The following KCNH7 variants were observed in gnomAD, a reference collection of about 807,000 sequenced individuals.
KCNH7 encodes potassium voltage-gated channel subfamily H member 7, also known as voltage-gated inwardly rectifying potassium channel KCNH7.
Under a neutral mutation model 120.8 loss-of-function variants are expected in KCNH7, and 49 were observed. The observed-to-expected ratio is 0.41, with a 90% CI of 0.32 to 0.51. The LOEUF is 0.51. Among genes scored for constraint, KCNH7 ranks in the 20% least tolerant of loss-of-function variants. KCNH7 has a pLI of 0.38. For missense variants in KCNH7, 1,097 were observed against 1,446.6 expected (o/e 0.76, Z 3.92); for synonymous variants, 547 against 516.1 (o/e 1.06, Z -0.81).
Position 162,711,176 on chromosome 2 carries a change from G to A in KCNH7, c.307+125361C>T, listed in dbSNP as rs188845196. On this transcript the variant is annotated intron_variant, in intron 2 of 15. Coordinates refer to ENST00000332142, the MANE Select transcript of KCNH7 (RefSeq NM_033272.4). Reference sequence around the variant, plus strand: ...AAGGGGAAATGTAGATTACATAATAGTCTTGCCCCTGTTTTATTCAGTGCA... The same window carrying A: ...AAGGGGAAATGTAGATTACATAATAATCTTGCCCCTGTTTTATTCAGTGCA... 3.3e-4 allele frequency among the ~76,000 whole-genome samples: 50 copies of A among 152,356 alleles called. 1 individual carries two copies. Among genetic ancestry groups the A allele is most frequent in the Admixed American group, 2.3e-3 (35 of 15,298 alleles).
At chr2:162,626,533 G>C (rs1215638232) in intron 2 of KCNH7, among the ~76,000 whole-genome samples, 2 of 152,134 alleles carry the variant, frequency 1.3e-5, no homozygotes, top group Non-Finnish European at 2.9e-5. Context: ...AAAAATAAAT[G>C]ACTGCCATGT....
chr2:162,772,635 A>G (rs945879353), intron 2 of KCNH7, among the ~76,000 whole-genome samples: 1 of 152,224 alleles, frequency 6.6e-6, no homozygotes, highest in African/African-American at 2.4e-5. Context: ...ACATCAATCT[A>G]TTTTAAACTT....
intron 2 of KCNH7, among the ~76,000 whole-genome samples, chr2:162,663,880 C>A (rs1045424495): frequency 6.6e-6 from 1 of 151,986 alleles, no homozygotes; most frequent in African/African-American, 2.4e-5. Context: ...TAATAGCTTC[C>A]CAGGAATTTG....
intron 6 of KCNH7, among the ~76,000 whole-genome samples, chr2:162,466,972 T>C (rs1193194548): frequency 6.6e-6 from 1 of 152,196 alleles, no homozygotes; most frequent in Non-Finnish European, 1.5e-5. Context: ...CTTGAGGGAA[T>C]GAGTGGATTG....
At position 162,590,399 on chromosome 2, in the gene KCNH7, C is replaced by A. The variant is rs370972907; in HGVS notation, c.308-53319G>T. On this transcript the variant is annotated intron_variant, in intron 2 of 15. Coordinates refer to ENST00000332142, the MANE Select transcript of KCNH7 (RefSeq NM_033272.4). ...TAAAAACTGCAATTGGAGACAAAAA[C>A]AGAAAGGGTCATTGAGATTCACATT... Among the ~76,000 whole-genome samples, 28 of 152,142 alleles carry A rather than the reference C, an allele frequency of 1.8e-4. 1 individual carries two copies. The East Asian group carries it at 5.1e-3, about 28-fold the overall frequency.
At chr2:162,713,155 G>C (rs980140866) in intron 2 of KCNH7, among the ~76,000 whole-genome samples, 1 of 152,056 alleles carries the variant, frequency 6.6e-6, no homozygotes, top group Non-Finnish European at 1.5e-5. Flanking sequence ...CTGGTCTCAG[G>C]CTCCTGACAA....
At chr2:162,544,995 T>C (rs1266411023) in intron 2 of KCNH7, among the ~76,000 whole-genome samples, 1 of 152,192 alleles carries the variant, frequency 6.6e-6, no homozygotes, top group African/African-American at 2.4e-5. Flanking sequence ...TGGCTACTGT[T>C]TTCTGAATGT....
intron 6 of KCNH7, among the ~76,000 whole-genome samples, chr2:162,479,746 T>C (rs916181592): frequency 6.6e-6 from 1 of 151,602 alleles, no homozygotes; most frequent in African/African-American, 2.4e-5. Flanking sequence ...AAATCAGATA[T>C]CAAAAGCTGA....
intron 5 of KCNH7, among the ~76,000 whole-genome samples, chr2:162,512,339 C>T (rs988915785): frequency 4.6e-5 from 7 of 151,724 alleles, no homozygotes; most frequent in Non-Finnish European, 8.8e-5. Flanking sequence ...GGCTTTTGTG[C>T]CTCTGTCACA....
chr2:162,699,553 T>C (rs549551930), intron 2 of KCNH7, among the ~76,000 whole-genome samples: 9 of 152,296 alleles, frequency 5.9e-5, no homozygotes, highest in South Asian at 2.1e-4. Context: ...CTGGGTTGCA[T>C]GTGCAGAATG....
intron 2 of KCNH7, among the ~76,000 whole-genome samples, chr2:162,724,069 T>C (rs890949284): frequency 1.3e-5 from 2 of 152,142 alleles, no homozygotes; most frequent in African/African-American, 4.8e-5. Context: ...TAATGAGGTA[T>C]AACTTCAGCC....
chr2:162,470,162 C>A (rs1235089566), intron 6 of KCNH7, among the ~76,000 whole-genome samples: 2 of 152,116 alleles, frequency 1.3e-5, no homozygotes, highest in East Asian at 3.9e-4. Flanking sequence ...CTCTGCCTGG[C>A]CGCCCATCGT....
At chr2:162,740,415 A>C (rs2105408645) in intron 2 of KCNH7, among the ~76,000 whole-genome samples, 1 of 152,338 alleles carries the variant, frequency 6.6e-6, no homozygotes, top group African/African-American at 2.4e-5. Context: ...ACAGGCACTG[A>C]CAAGTTTGGT....
intron 2 of KCNH7, among the ~76,000 whole-genome samples, chr2:162,680,202 T>C (rs750865681): frequency 2.6e-5 from 4 of 151,596 alleles, no homozygotes; most frequent in Non-Finnish European, 5.9e-5. Flanking sequence ...TATGATCATG[T>C]AGTGGGCCAC....
At chr2:162,566,769 T>A (rs1693271832) in intron 2 of KCNH7, among the ~76,000 whole-genome samples, 1 of 151,954 alleles carries the variant, frequency 6.6e-6, no homozygotes, top group Non-Finnish European at 1.5e-5. Context: ...AGATCAAGAT[T>A]TGTAAATAGC....
At chr2:162,378,136 G>C (rs1323646532) in intron 14 of KCNH7, among the ~76,000 whole-genome samples, 1 of 152,146 alleles carries the variant, frequency 6.6e-6, no homozygotes, top group Non-Finnish European at 1.5e-5. Flanking sequence ...GAAGTTCCTT[G>C]TTAATCAATT....
chr2:162,674,382 C>G (rs796220694), intron 2 of KCNH7, among the ~76,000 whole-genome samples: 2 of 151,776 alleles, frequency 1.3e-5, no homozygotes, highest in African/African-American at 4.8e-5. Flanking sequence ...ATCCACATTC[C>G]TGAATAGAAA....
intron 2 of KCNH7, among the ~76,000 whole-genome samples, chr2:162,687,378 A>G (rs1685934136): frequency 6.6e-6 from 1 of 152,124 alleles, no homozygotes; most frequent in Admixed American, 6.6e-5. Context: ...TAAATTGTGT[A>G]CCTTTAAAAT....
chr2:162,722,947 T>G (rs920925686), intron 2 of KCNH7, among the ~76,000 whole-genome samples: 14 of 151,490 alleles, frequency 9.2e-5, no homozygotes, highest in African/African-American at 3.4e-4. Context: ...TATTGCATTC[T>G]TCAGATCCAA....
Sources: gnomAD v4.1 joint callset for allele counts (sites outside exome capture counted in the v4.1 genomes callset) on GRCh38, gnomAD v4.1.1 for gene constraint, MANE v1.5 for transcripts, NCBI Gene and HGNC (gene_info 2026-07-23, HGNC 2026-07-21) for gene names.